ALDH1L1: variants seen among roughly 807,000 people sequenced by gnomAD.
The protein encoded by ALDH1L1 is aldehyde dehydrogenase 1 family member L1.
A neutral mutation model predicts 101.1 loss-of-function variants in ALDH1L1; 68 were observed. The ratio of observed to expected loss-of-function variants is 0.67; its 90% confidence interval spans 0.55 to 0.82. The LOEUF (loss-of-function observed/expected upper bound fraction) is 0.82. Among genes scored for constraint, ALDH1L1 ranks in the 40% least tolerant of loss-of-function variants. The pLI, the probability that ALDH1L1 is intolerant of heterozygous loss-of-function variation, is 0.00. For missense variants in ALDH1L1, 1,087 were observed against 1,172.7 expected (o/e 0.93, Z 1.07); for synonymous variants, 486 against 470.8 (o/e 1.03, Z -0.42).
intron 22 of ALDH1L1, 103 bp from the exon 23 acceptor site, chr3:126,103,949 G>A: frequency 1.5e-6 from 2 of 1,313,296 alleles, no homozygotes; most frequent in Non-Finnish European, 2.1e-6. Flanking sequence ...GGCAGCTCTG[G>A]CTCACCCCAC....
At chr3:126,137,600 G>C (rs1407324895) in intron 10 of ALDH1L1, among the ~76,000 whole-genome samples, 1 of 152,188 alleles carries the variant, frequency 6.6e-6, no homozygotes, top group Non-Finnish European at 1.5e-5. Flanking sequence ...CATGTCCTGA[G>C]CATCAGACAG....
At chr3:126,147,870 G>A (rs115028559) in intron 8 of ALDH1L1, among the ~76,000 whole-genome samples, 292 of 152,166 alleles carry the variant, frequency 1.9e-3, no homozygotes, top group African/African-American at 6.8e-3. Context: ...ACCAAGCCAC[G>A]CACTGTCTGC....
At chr3:126,138,070 C>T in intron 9 of ALDH1L1, 110 bp from the exon 10 acceptor site, 1 of 1,412,180 alleles carries the variant, frequency 7.1e-7, no homozygotes, top group Non-Finnish European at 9.7e-7. Context: ...CATCCCAGCA[C>T]CGAGAGGTAG....
chr3:126,161,020 C>T lies in ALDH1L1; in HGVS notation c.-23-18G>A. ...GGAAGGACCTGGAGAAGGAATAAGG[C>T]AGCAATTAGACAGAGATCGCTGGTC... On this transcript the variant is annotated intron_variant, in intron 1 of 22. Coordinates refer to ENST00000393434, the MANE Select transcript of ALDH1L1 (RefSeq NM_012190.4). The T allele has an allele frequency of 1.2e-6, 2 of 1,613,066 alleles. No individual in the cohort carries two copies. The highest frequency in any genetic ancestry group is 1.7e-6 in the Non-Finnish European group (2 of 1,179,508).
At chr3:126,191,214 C>A (rs2081551581) in intron 1 of ALDH1L1, among the ~76,000 whole-genome samples, 1 of 152,148 alleles carries the variant, frequency 6.6e-6, no homozygotes, top group African/African-American at 2.4e-5. Flanking sequence ...AATCTACTTG[C>A]TGAAAAATGC....
At chr3:126,182,985 A>C (rs2081489481), upstream of ALDH1L1, among the ~76,000 whole-genome samples, 1 of 152,218 alleles carries the variant, frequency 6.6e-6, no homozygotes, top group Non-Finnish European at 1.5e-5. Context: ...TTGGGCTGTG[A>C]AAATGTCCAG....
intron 16 of ALDH1L1, among the ~76,000 whole-genome samples, chr3:126,119,631 TATA>T (rs2080040774): frequency 1.3e-5 from 2 of 152,214 alleles, no homozygotes; most frequent in Admixed American, 6.5e-5. Flanking sequence ...CCTCCCTCTA[TATA>T]CAGTTAAAGC....
intron 1 of ALDH1L1, among the ~76,000 whole-genome samples, chr3:126,187,981 C>T (rs2081530610): frequency 6.6e-6 from 1 of 152,154 alleles, no homozygotes; most frequent in Non-Finnish European, 1.5e-5. Context: ...GCCCTCAGAA[C>T]CAGAACAGGT....
chr3:126,109,307 G>C (rs1278266294), intron 20 of ALDH1L1, among the ~76,000 whole-genome samples: 1 of 152,180 alleles, frequency 6.6e-6, no homozygotes, highest in African/African-American at 2.4e-5. Flanking sequence ...TGGACTGCTC[G>C]ATCAGACAGA....
rs186738486 is a variant in ALDH1L1 at position 126,123,182 on chromosome 3, C to T, written c.1888+1182G>A. Among the ~76,000 whole-genome samples, 812 of 151,732 alleles carry T rather than the reference C, an allele frequency of 5.4e-3. 7 individuals are homozygous for T. Among genetic ancestry groups the T allele is most frequent in the African/African-American group, 0.018 (741 of 41,410 alleles). ...GAATTGACTTTAACACAAAAACGAT[C>T]ATGAAAGATAAACAGGGGCATTTAT... is the stretch of plus-strand genomic sequence containing the variant. On this transcript the variant is annotated intron_variant, in intron 16 of 22. Transcript: ENST00000393434.
chr3:126,118,147 G>A, intron 16 of ALDH1L1, 49 bp from the exon 17 acceptor site: 1 of 1,501,766 alleles, frequency 6.7e-7, no homozygotes, highest in Non-Finnish European at 9.2e-7. Context: ...CTGGTGCTGG[G>A]GAGGCAGGAG....
chr3:126,128,193 G>T (rs1013740645), intron 14 of ALDH1L1, among the ~76,000 whole-genome samples: 9 of 152,258 alleles, frequency 5.9e-5, no homozygotes, highest in African/African-American at 2.2e-4. Flanking sequence ...CAGTGACATG[G>T]TCTCTAGTAA....
chr3:126,190,567 T>C (rs566062165), intron 1 of ALDH1L1, among the ~76,000 whole-genome samples: 1 of 152,238 alleles, frequency 6.6e-6, no homozygotes, highest in Non-Finnish European at 1.5e-5. Context: ...TAAGTCATCA[T>C]AGAGGAGCTG....
chr3:126,196,870 T>G (rs2081584408), intron 1 of ALDH1L1, among the ~76,000 whole-genome samples: 1 of 152,224 alleles, frequency 6.6e-6, no homozygotes, highest in Admixed American at 6.5e-5. Flanking sequence ...AAACCTTAGC[T>G]ACTGAGCTAC....
chr3:126,127,256 C>T (rs1412456331), intron 14 of ALDH1L1, among the ~76,000 whole-genome samples: 1 of 152,176 alleles, frequency 6.6e-6, no homozygotes, highest in Non-Finnish European at 1.5e-5. Flanking sequence ...GGCTGCAGGA[C>T]CCAGGCCCAG....
intron 1 of ALDH1L1, among the ~76,000 whole-genome samples, chr3:126,171,718 A>C (rs2081280601): frequency 6.6e-6 from 1 of 152,172 alleles, no homozygotes; most frequent in Non-Finnish European, 1.5e-5. Context: ...ATGGACACCC[A>C]GGGCCTAACT....
upstream of ALDH1L1, among the ~76,000 whole-genome samples, chr3:126,183,489 G>A (rs1367618859): frequency 6.6e-6 from 1 of 152,108 alleles, no homozygotes; most frequent in Non-Finnish European, 1.5e-5. Flanking sequence ...GATGACTTGG[G>A]GAATAGAACA....
chr3:126,154,648 G>A lies in ALDH1L1; in HGVS notation c.631-5C>T, dbSNP rs202185176. On this transcript the variant is annotated splice_region_variant and splice_polypyrimidine_tract_variant and intron_variant, in intron 5 of 22. Coordinates refer to ENST00000393434, the MANE Select transcript of ALDH1L1 (RefSeq NM_012190.4). ...TGCCGGCTGGTCCCAGTTGATCTGT[G>A]GGGAGCAAGGTGTGTGTGCTCAGCT... 1.7e-3 allele frequency: 2,739 copies of A among 1,613,912 alleles called. 56 individuals are homozygous for A. In the South Asian group the frequency reaches 0.028, roughly 17 times the overall value.
At position 126,131,510 on chromosome 3, in the gene ALDH1L1, G is replaced by A. The variant is rs1426039448; in HGVS notation, c.1497C>T (p.His499=). 3 of 1,611,654 alleles carry A rather than the reference G, an allele frequency of 1.9e-6. No homozygotes were observed. Among genetic ancestry groups the A allele is most frequent in the Non-Finnish European group, 2.5e-6 (3 of 1,177,992 alleles). ...CCTCAATGGTGGCCAGCTCCTCCTGGTGCTGCTCCATGAGATCTGCCAACC... is the reference window on the plus strand; with the variant it reads ...CCTCAATGGTGGCCAGCTCCTCCTGATGCTGCTCCATGAGATCTGCCAACC... ...MYRLADLMEQ[H]QEELATIEAL... The change falls in exon 13 of 23, where the codon CAC becomes CAT. Residue 499 remains histidine, a synonymous_variant. Transcript: ENST00000393434.
Sources: allele counts gnomAD v4.1 joint callset (sites outside exome capture counted in the v4.1 genomes callset), GRCh38; gene constraint gnomAD v4.1.1; transcripts MANE v1.5; gene names NCBI Gene and HGNC (gene_info 2026-07-23, HGNC 2026-07-21).